Variants in CLEC4D observed in about 807,000 individuals in gnomAD.
The protein encoded by CLEC4D is C-type (calcium dependent, carbohydrate-recognition domain) lectin, superfamily member 8.
CLEC4D carries 21 observed loss-of-function variants against 21.1 expected under a neutral mutation model. The ratio of observed to expected loss-of-function variants is 1.00; its 90% CI spans 0.71 to 1.43. The LOEUF (loss-of-function observed/expected upper bound fraction) is 1.43. Among genes scored for constraint, CLEC4D ranks in the 40% most tolerant of loss-of-function variants. The probability of loss-of-function intolerance (pLI) is 0.00; values close to 1 mark genes in which losing one functional copy is unlikely to be tolerated. For missense variants in CLEC4D, 289 were observed against 260.7 expected, an observed-to-expected ratio of 1.11 and a Z score of -0.75; for synonymous variants, 85 against 83.1, an observed-to-expected ratio of 1.02 and a Z score of -0.12.
At chr12:8,528,408 G>C in the CLEC4D span, among the ~76,000 whole-genome samples, 6 of 152,048 alleles carry the variant, frequency 3.9e-5, no homozygotes, top group African/African-American at 1.4e-4. Context: ...GGACTTCTCA[G>C]CCTCCATCAC....
chr12:8,531,499 G>A, the CLEC4D span, among the ~76,000 whole-genome samples: 1 of 152,040 alleles, frequency 6.6e-6, no homozygotes, highest in African/African-American at 2.4e-5. Flanking sequence ...ATCTATAAAG[G>A]CTGTAACATT....
At chr12:8,514,939 T>C (rs1333232195) in intron 1 of CLEC4D, among the ~76,000 whole-genome samples, 4 of 152,152 alleles carry the variant, frequency 2.6e-5, no homozygotes, top group East Asian at 3.8e-4. Context: ...GCTTGTGTTA[T>C]ATAGAAGTTT....
rs772371477 is a variant in CLEC4D at position 8,513,769 on chromosome 12, T to C, written c.28+9T>C. 9.7e-7 allele frequency: 1 copy of C among 1,031,692 alleles called. No individual in the cohort carries two copies. The allele number at this position is 1,031,692 out of a possible 1,614,324, so 63.9% of individuals were successfully genotyped here. ...AAAACCTCAAAGTAAACGTGAGTAC[T>C]TTCTCTCCTTTCCATTTCAAAGAAG... On this transcript the variant is annotated intron_variant, in intron 1 of 5. Coordinates refer to ENST00000299665, the MANE Select transcript of CLEC4D (RefSeq NM_080387.5).
intron 1 of CLEC4D, 141 bp downstream of exon 1, chr12:8,513,901 A>G (rs764807053): frequency 5.1e-6 from 3 of 586,510 alleles, no homozygotes; most frequent in South Asian, 5.1e-5. Flanking sequence ...GACGTTGGTG[A>G]AGAGGAAGGA....
At chr12:8,518,101 C>T (rs1187841124) in intron 2 of CLEC4D, 63 bp from the exon 3 acceptor site, 4 of 710,504 alleles carry the variant, frequency 5.6e-6, no homozygotes, top group African/African-American at 5.3e-5. Context: ...GAAGGTCAGC[C>T]CCTATTTCCC....
chr12:8,515,986 A>G (rs1940375442), intron 2 of CLEC4D, among the ~76,000 whole-genome samples: 1 of 152,180 alleles, frequency 6.6e-6, no homozygotes, highest in African/African-American at 2.4e-5. Flanking sequence ...GACTCTTTAT[A>G]TAAAACAAAA....
At chr12:8,530,215 A>C in the CLEC4D span, among the ~76,000 whole-genome samples, 2 of 152,202 alleles carry the variant, frequency 1.3e-5, no homozygotes, top group African/African-American at 4.8e-5. Context: ...TGTAGCAACT[A>C]TTAGATTTAA....
chr12:8,513,615 G>C lies in CLEC4D; in HGVS notation c.-118G>C. 1.6e-6 allele frequency: 1 copy of C among 621,174 alleles called. No homozygotes were observed. Among genetic ancestry groups the C allele is most frequent in the South Asian group, 2.3e-5 (1 of 43,384 alleles). The allele number at this position is 621,174 out of a possible 1,614,324, so 38.5% of individuals were successfully genotyped here. ...AATCTCACTACAATATGTAACATTG[G>C]TGTTCGATCTCAAGTATTTCTGAAT... On this transcript the variant is annotated 5_prime_UTR_variant, in exon 1 of 6. Coordinates refer to ENST00000299665, the MANE Select transcript of CLEC4D (RefSeq NM_080387.5).
rs773841049 is a variant in CLEC4D, at chr12:8,516,001, A to G, written c.121+673A>G. ...GACTCTTTATATAAAACAAAAGAAG[A>G]TATCTCAGACATATGGGAAAAGGAC... On this transcript the variant is annotated intron_variant, in intron 2 of 5. Transcript: ENST00000299665. Among the ~76,000 whole-genome samples the G allele has an allele frequency of 7.2e-5, 11 of 152,276 alleles. No homozygotes were observed. The South Asian group carries it at 1.9e-3, about 26-fold the overall frequency.
intron 2 of CLEC4D, 108 bp from the exon 3 acceptor site, chr12:8,518,056 G>A (rs1940404948): frequency 3.6e-6 from 2 of 550,596 alleles, no homozygotes; most frequent in African/African-American, 1.9e-5. Context: ...AAGAGAATAT[G>A]AGGGCCTTAA....
At chr12:8,519,201 ATC>A in intron 4 of CLEC4D, 41 bp downstream of exon 4, 1 of 1,587,900 alleles carries the variant, frequency 6.3e-7, no homozygotes, top group Non-Finnish European at 8.6e-7. Context: ...GCTGCTTTGA[ATC>A]TCTTTCCAGA....
At chr12:8,523,993 G>C (rs1565493405), downstream of CLEC4D, among the ~76,000 whole-genome samples, 1 of 152,138 alleles carries the variant, frequency 6.6e-6, no homozygotes, top group Non-Finnish European at 1.5e-5. Flanking sequence ...TTATGTGATG[G>C]ATTATGTTTA....
At chr12:8,526,589 C>T (rs976563400), downstream of CLEC4D, among the ~76,000 whole-genome samples, 1 of 152,126 alleles carries the variant, frequency 6.6e-6, no homozygotes, top group Admixed American at 6.5e-5. Context: ...TTCATCTAAC[C>T]GTTTATCAAG....
intron 2 of CLEC4D, 34 bp downstream of exon 2, chr12:8,515,362 A>G: frequency 1.0e-6 from 1 of 975,848 alleles, no homozygotes; most frequent in Non-Finnish European, 1.7e-6. Flanking sequence ...CTCTTCTTGA[A>G]TTATTATTTC....
intron 1 of CLEC4D, 32 bp from the exon 2 acceptor site, chr12:8,515,204 G>A (rs777243641): frequency 3.1e-6 from 3 of 960,474 alleles, no homozygotes; most frequent in Non-Finnish European, 5.1e-6. Flanking sequence ...TAGCTGAGAG[G>A]AGGTTAATCT....
downstream of CLEC4D, among the ~76,000 whole-genome samples, chr12:8,525,148 T>C (rs990383904): frequency 1.3e-5 from 2 of 152,210 alleles, no homozygotes; most frequent in Non-Finnish European, 2.9e-5. Flanking sequence ...ATAAGTGCCA[T>C]GTGACACTGA....
the CLEC4D span, among the ~76,000 whole-genome samples, chr12:8,528,046 G>T: frequency 1.3e-5 from 2 of 152,122 alleles, no homozygotes; most frequent in African/African-American, 4.8e-5. Context: ...AGACAGCCTG[G>T]GTATCTTGGT....
At chr12:8,517,921 G>A (rs1940403106) in intron 2 of CLEC4D, among the ~76,000 whole-genome samples, 4 of 152,124 alleles carry the variant, frequency 2.6e-5, no homozygotes, top group Admixed American at 1.3e-4. Context: ...ACTCCAGCCT[G>A]GGTGACAGAG....
rs1339112189 is a variant in CLEC4D, at chr12:8,522,215, A to G, written c.*944A>G. 6.6e-6 allele frequency: 1 copy of G among 152,192 alleles called. No individual in the cohort carries two copies. The highest frequency in any genetic ancestry group is 1.5e-5 in the Non-Finnish European group (1 of 67,996). The allele number at this position is 152,192 out of a possible 1,614,324, so 9.4% of individuals were successfully genotyped here. On this transcript the variant is annotated 3_prime_UTR_variant, in exon 6 of 6. Transcript: ENST00000299665. ...TTTCAACCCATTTATACAAATTGTT[A>G]ATGTTTCTTTAGAGCTGTATAACTA...
Sources: gnomAD v4.1 joint callset for allele counts (sites outside exome capture counted in the v4.1 genomes callset) on GRCh38, gnomAD v4.1.1 for gene constraint, MANE v1.5 for transcripts, NCBI Gene and HGNC (gene_info 2026-07-23, HGNC 2026-07-21) for gene names.